The following KCNN1 variants were observed in gnomAD, a reference collection of about 807,000 sequenced individuals.
KCNN1 encodes small conductance calcium-activated potassium channel protein 1.
Under a neutral mutation model 44.7 loss-of-function variants are expected in KCNN1, and 20 were observed. The ratio of observed to expected loss-of-function variants is 0.45; its 90% CI spans 0.32 to 0.65. The LOEUF is 0.65. Ranked by LOEUF, KCNN1 falls within the 30% of genes least tolerant of loss-of-function variation. The pLI, the probability that KCNN1 is intolerant of heterozygous loss-of-function variation, is 0.05. For synonymous variants in KCNN1, 324 were observed against 341.7 expected, an observed-to-expected ratio of 0.95 and a Z score of 0.57; for missense variants, 632 against 785.3, an observed-to-expected ratio of 0.80 and a Z score of 2.33.
chr19:17,961,584 TTC>T (rs1491508946), intron 2 of KCNN1, among the ~76,000 whole-genome samples: 20 of 93,646 alleles, frequency 2.1e-4, no homozygotes, highest in African/African-American at 8.4e-4. Flanking sequence ...CTTTCTTTCT[TTC>T]TTTTTTTTTT....
rs1025933031 is a variant in KCNN1 at position 17,958,843 on chromosome 19, G to A, written c.-82+4162G>A. Among the ~76,000 whole-genome samples the A allele has an allele frequency of 2.7e-3, 396 of 148,982 alleles. 1 individual carries two copies. Among genetic ancestry groups the A allele is most frequent in the African/African-American group, 9.2e-3 (374 of 40,614 alleles). On this transcript the variant is annotated intron_variant, in intron 2 of 10. Coordinates refer to the KCNN1 transcript ENST00000222249. ...CTCCCGAGTAGCTGGGACTACAGGC[G>A]CCCGCCACCACGCCTGGCTAATTTT...
At chr19:17,951,873 G>T (rs1031873901) in intron 1 of KCNN1, among the ~76,000 whole-genome samples, 1 of 152,192 alleles carries the variant, frequency 6.6e-6, no homozygotes, top group Non-Finnish European at 1.5e-5. Flanking sequence ...AGAGTGAGGG[G>T]AGCAGCCCTG....
chr19:17,966,364 C>T (rs1599348615), upstream of KCNN1, among the ~76,000 whole-genome samples: 2 of 152,258 alleles, frequency 1.3e-5, no homozygotes, highest in South Asian at 4.1e-4. Context: ...AGCTCCCTAC[C>T]CACTGGTCCC....
intron 1 of KCNN1, among the ~76,000 whole-genome samples, chr19:17,951,927 T>A (rs2031419538): frequency 6.6e-6 from 1 of 152,156 alleles, no homozygotes; most frequent in East Asian, 1.9e-4. Flanking sequence ...GGGCTTCCGC[T>A]CTCCGGGCCT....
At position 17,983,776 on chromosome 19, in the gene KCNN1, C is replaced by T. The variant is rs535136806; in HGVS notation, c.918-1536C>T. 2.3e-3 allele frequency among the ~76,000 whole-genome samples: 350 copies of T among 152,082 alleles called. 1 individual carries two copies. Among genetic ancestry groups the T allele is most frequent in the African/African-American group, 7.9e-3 (327 of 41,508 alleles). On this transcript the variant is annotated intron_variant, in intron 4 of 9. Transcript: ENST00000684775. This position sits in a 1 kb window ranked among gnomAD's most constrained non-coding sequence, Gnocchi z 4.5. ...CATCGCTCCGTCTGGATCTGGGGCT[C>T]ACCCACCCACCGACTAGAGGGCACC...
At chr19:17,970,959 C>T (rs1445683898) in intron 1 of KCNN1, among the ~76,000 whole-genome samples, 1 of 151,742 alleles carries the variant, frequency 6.6e-6, no homozygotes, top group African/African-American at 2.4e-5. Flanking sequence ...TCTCAGCTCA[C>T]TGCAGCCTCC....
chr19:17,957,361 G>A (rs2031572629), intron 2 of KCNN1, among the ~76,000 whole-genome samples: 1 of 150,894 alleles, frequency 6.6e-6, no homozygotes, highest in Non-Finnish European at 1.5e-5. Context: ...AAAGAAGAAA[G>A]AGGAAGGGAG....
chr19:17,967,111 G>C lies in KCNN1; in HGVS notation c.-288G>C. 1.0e-6 allele frequency: 1 copy of C among 979,446 alleles called. No individual in the cohort carries two copies. The highest frequency in any genetic ancestry group is 1.2e-6 in the Non-Finnish European group (1 of 826,458). 60.7% of individuals were successfully genotyped at this position (979,446 alleles called of 1,614,324 possible). ...CCCTTCTCTCCCGGCCCGGGCGGGCGCTCGCCCCCCGCCGGGCCCGTGGAC... is the reference window on the plus strand; with the variant it reads ...CCCTTCTCTCCCGGCCCGGGCGGGCCCTCGCCCCCCGCCGGGCCCGTGGAC... On this transcript the variant is annotated 5_prime_UTR_variant, in exon 1 of 10. Transcript: ENST00000684775.
intron 6 of KCNN1, 51 bp from the exon 7 acceptor site, chr19:17,989,665 C>T: frequency 6.2e-7 from 1 of 1,611,666 alleles, no homozygotes. Flanking sequence ...TTTCTGGAGC[C>T]TTTTGGAATT....
Position 17,988,524 on chromosome 19 carries a change from G to A in KCNN1, c.1169G>A (p.Arg390Gln), listed in dbSNP as rs751351847. 1.4e-5 allele frequency: 22 copies of A among 1,610,812 alleles called. No homozygotes were observed. Among genetic ancestry groups the A allele is most frequent in the South Asian group, 3.3e-5 (3 of 90,916 alleles). The change falls in exon 6 of 10, where the codon CGG (arginine) becomes CAG (glutamine). Residue 390 changes from arginine to glutamine, a missense_variant and splice_region_variant. Arg to Gln is a conservative substitution (Grantham distance 43). Coordinates refer to ENST00000684775, the MANE Select transcript of KCNN1 (RefSeq NM_001386974.1). ...ATGATGGACACTCAGCTCACCAAGC[G>A]GGTGAGGACCGCGGTTCCCATGGAG... ...NFMMDTQLTK[R>Q]VKNAAANVLR...
Position 17,998,353 on chromosome 19 carries a change from G to A in KCNN1, c.1579G>A (p.Ala527Thr), listed in dbSNP as rs756239022. The A allele has an allele frequency of 6.6e-7, 1 of 1,513,274 alleles. No individual in the cohort carries two copies. Among genetic ancestry groups the A allele is most frequent in the South Asian group, 1.2e-5 (1 of 81,742 alleles). 93.7% of individuals were successfully genotyped at this position (1,513,274 alleles called of 1,614,324 possible). A position where few individuals can be genotyped will look rare whatever the true frequency, so the allele number is the denominator to read the frequency against. The change falls in exon 10 of 10, where the codon GCC becomes ACC. Residue 527 changes from alanine (A) to threonine (T), a missense_variant. Physicochemically the swap from Ala to Thr is moderately conservative, Grantham distance 58. Around this residue, in one of 3 missense-constraint regions of KCNN1, gnomAD observed 237 missense variants for 253.0 expected, o/e 0.94. Transcript: ENST00000684775. This position sits in a 1 kb window ranked among gnomAD's most constrained non-coding sequence, Gnocchi z 5.4. ...CGGCCCCGGCCCCCAAGACCAGGCA[G>A]CCCGGAGCTCCCCCTGCCGGTGGAC... The part of the protein sequence containing the change: ...RPGPGPQDQA[A>T]RSSPCRWTPV...
chr19:17,979,190 T>G (rs1457381847), intron 3 of KCNN1, among the ~76,000 whole-genome samples: 1 of 148,926 alleles, frequency 6.7e-6, no homozygotes, highest in Non-Finnish European at 1.5e-5. Flanking sequence ...TCCCAGCACT[T>G]TGGGAGGCCG....
At chr19:17,976,133 TG>T (rs2145931136) in intron 3 of KCNN1, among the ~76,000 whole-genome samples, 1 of 152,104 alleles carries the variant, frequency 6.6e-6, no homozygotes, top group South Asian at 2.1e-4. Flanking sequence ...TTGGTCAACG[TG>T]GTGAAACTCC....
intron 2 of KCNN1, among the ~76,000 whole-genome samples, chr19:17,961,582 C>CTTTT (rs756599442): frequency 5.5e-4 from 56 of 101,332 alleles, no homozygotes; most frequent in Middle Eastern, 5.4e-3. Context: ...TTCTTTCTTT[C>CTTTT]TTTCTTTTTT....
At chr19:17,980,456 T>G (rs937152102) in intron 3 of KCNN1, among the ~76,000 whole-genome samples, 1 of 151,778 alleles carries the variant, frequency 6.6e-6, no homozygotes, top group Non-Finnish European at 1.5e-5. Flanking sequence ...AACACTTGTT[T>G]TAGTTTCTCT....
Position 18,000,049 on chromosome 19 carries a change from A to G in KCNN1, c.*1643A>G. The G allele has an allele frequency of 2.2e-6, 1 of 455,884 alleles. No individual in the cohort carries two copies. The highest frequency in any genetic ancestry group is 1.5e-5 in the South Asian group (1 of 64,562). The allele number at this position is 455,884 out of a possible 1,614,324, so 28.2% of individuals were successfully genotyped here. Reference sequence around the variant, plus strand: ...AGGGCCAGGCAACTGGTAGGTGCTCAATAAATGCTCCTTCCCGCCTGAGGG... The same window carrying G: ...AGGGCCAGGCAACTGGTAGGTGCTCGATAAATGCTCCTTCCCGCCTGAGGG... On this transcript the variant is annotated 3_prime_UTR_variant, in exon 10 of 10. Coordinates refer to ENST00000684775, the MANE Select transcript of KCNN1 (RefSeq NM_001386974.1).
At chr19:17,965,928 T>C (rs2031791254), upstream of KCNN1, among the ~76,000 whole-genome samples, 1 of 152,158 alleles carries the variant, frequency 6.6e-6, no homozygotes, top group Non-Finnish European at 1.5e-5. Context: ...TCTGAGACTC[T>C]GAGCCATCAC....
chr19:17,973,408 G>A (rs1000248418), intron 1 of KCNN1, among the ~76,000 whole-genome samples: 5 of 152,130 alleles, frequency 3.3e-5, no homozygotes, highest in Non-Finnish European at 7.3e-5. Flanking sequence ...AGCCTCCCAC[G>A]CAGCTGGGAC....
intron 4 of KCNN1, chr19:17,982,492 C>G: frequency 1.1e-6 from 1 of 939,692 alleles, no homozygotes; most frequent in African/African-American, 1.8e-5. Context: ...GGGATGCCTC[C>G]CCGTCCCCTC....
Sources: gnomAD v4.1 joint callset for allele counts (sites outside exome capture counted in the v4.1 genomes callset) on GRCh38, gnomAD v4.1.1 for gene constraint, gnomAD v4.1.1 regional missense constraint, Gnocchi (gnomAD v3.1) non-coding constraint, MANE v1.5 for transcripts, NCBI Gene and HGNC (gene_info 2026-07-23, HGNC 2026-07-21) for gene names.